ADAM20: variants seen among roughly 807,000 people sequenced by gnomAD.
The protein encoded by ADAM20 is disintegrin and metalloproteinase domain-containing protein 20.
For missense variants in ADAM20, 871 were observed against 883.2 expected (o/e 0.99, Z 0.18); for synonymous variants, 305 against 310.2 (o/e 0.98, Z 0.18).
At chr14:70,577,543 A>G in the ADAM20 span, among the ~76,000 whole-genome samples, 1 of 152,182 alleles carries the variant, frequency 6.6e-6, no homozygotes, top group Non-Finnish European at 1.5e-5. Context: ...TGAAACAACT[A>G]CTTTCAAGCC....
chr14:70,525,331 AGCCTCC>A (rs1566656564), intron 1 of ADAM20, among the ~76,000 whole-genome samples: 2 of 152,052 alleles, frequency 1.3e-5, no homozygotes, highest in Non-Finnish European at 2.9e-5. Context: ...CTCCCACCTT[AGCCTCC>A]AAGTAGAACT....
the ADAM20 span, among the ~76,000 whole-genome samples, chr14:70,545,405 C>G: frequency 6.6e-6 from 1 of 152,096 alleles, no homozygotes; most frequent in Non-Finnish European, 1.5e-5. Context: ...TGGCAGAAAG[C>G]AGAACTGGGC....
chr14:70,540,716 T>C, the ADAM20 span, among the ~76,000 whole-genome samples: 87 of 152,240 alleles, frequency 5.7e-4, no homozygotes, highest in Non-Finnish European at 9.4e-4. Flanking sequence ...TTAGGCAGTC[T>C]AGTCCACAGA....
chr14:70,546,554 G>GAATATGC, the ADAM20 span, among the ~76,000 whole-genome samples: 6 of 152,128 alleles, frequency 3.9e-5, no homozygotes, highest in Admixed American at 3.3e-4. Flanking sequence ...GAGACAATCA[G>GAATATGC]AATATGCATC....
chr14:70,536,512 T>C (rs1176073589), upstream of ADAM20, among the ~76,000 whole-genome samples: 1 of 126,334 alleles, frequency 7.9e-6, no homozygotes. Flanking sequence ...GCACAGTGTA[T>C]GTCCCTTAAT....
the ADAM20 span, among the ~76,000 whole-genome samples, chr14:70,578,611 TC>T: frequency 6.6e-6 from 1 of 152,188 alleles, no homozygotes; most frequent in South Asian, 2.1e-4. Context: ...AGCACTAATA[TC>T]CAGAATCTAT....
chr14:70,564,633 TAAAG>T, the ADAM20 span, among the ~76,000 whole-genome samples: 164 of 150,736 alleles, frequency 1.1e-3, no homozygotes, highest in African/African-American at 3.8e-3. Flanking sequence ...TTAATCATCC[TAAAG>T]AAGCTCAGTG....
intron 1 of ADAM20, among the ~76,000 whole-genome samples, chr14:70,530,202 T>C (rs1274539899): frequency 6.6e-6 from 1 of 152,202 alleles, no homozygotes; most frequent in Non-Finnish European, 1.5e-5. Context: ...AAATTTTTTG[T>C]TAAAAACTAA....
At chr14:70,541,971 C>T in the ADAM20 span, among the ~76,000 whole-genome samples, 1 of 151,830 alleles carries the variant, frequency 6.6e-6, no homozygotes, top group African/African-American at 2.4e-5. Flanking sequence ...CTGTGAAGCT[C>T]TAACAGGTGC....
chr14:70,537,867 A>C (rs1883868147), upstream of ADAM20, among the ~76,000 whole-genome samples: 1 of 152,126 alleles, frequency 6.6e-6, no homozygotes, highest in African/African-American at 2.4e-5. Flanking sequence ...GGACCTTGAC[A>C]ACTTTATAAC....
At chr14:70,532,484 ATCT>A (rs1883734169) in intron 1 of ADAM20, among the ~76,000 whole-genome samples, 1 of 152,156 alleles carries the variant, frequency 6.6e-6, no homozygotes, top group Non-Finnish European at 1.5e-5. Flanking sequence ...CAAACTAAAA[ATCT>A]TCTTAACAGC....
At chr14:70,553,188 T>C in the ADAM20 span, among the ~76,000 whole-genome samples, 17 of 58,208 alleles carry the variant, frequency 2.9e-4, no homozygotes, top group Non-Finnish European at 5.2e-4. Flanking sequence ...AGGGATAGCA[T>C]TGGGAGATAT....
the ADAM20 span, among the ~76,000 whole-genome samples, chr14:70,574,548 G>A: frequency 6.6e-6 from 1 of 152,076 alleles, no homozygotes; most frequent in Admixed American, 6.5e-5. Context: ...GCTGAGGCAG[G>A]AGAATGGTGT....
the ADAM20 span, among the ~76,000 whole-genome samples, chr14:70,562,055 C>T: frequency 1.3e-5 from 2 of 152,202 alleles, no homozygotes; most frequent in African/African-American, 2.4e-5. Context: ...CAGCTTGAAC[C>T]GAGCACATGG....
At chr14:70,526,739 C>T (rs936839710) in intron 1 of ADAM20, among the ~76,000 whole-genome samples, 5 of 152,138 alleles carry the variant, frequency 3.3e-5, no homozygotes, top group African/African-American at 4.8e-5. Context: ...TTCTGAAGGC[C>T]TTTCCTCTAA....
chr14:70,524,863 A>C lies in ADAM20; in HGVS notation c.-106T>G. 2 of 1,612,624 alleles carry C rather than the reference A, an allele frequency of 1.2e-6. No individual in the cohort carries two copies. Among genetic ancestry groups the C allele is most frequent in the Non-Finnish European group, 1.7e-6 (2 of 1,179,756 alleles). On this transcript the variant is annotated 5_prime_UTR_variant, in exon 2 of 2. Coordinates refer to ENST00000256389, the MANE Select transcript of ADAM20 (RefSeq NM_003814.5). The stretch of plus-strand genomic sequence containing the variant: ...CTGAGCTGTTCAGGGTGCATGGCTG[A>C]CCTTTAGGGATCTGGGGATCTGTGT...
the ADAM20 span, among the ~76,000 whole-genome samples, chr14:70,570,170 G>A: frequency 6.6e-6 from 1 of 152,032 alleles, no homozygotes; most frequent in African/African-American, 2.4e-5. Context: ...AGTTTATACT[G>A]CTAAATGCCT....
upstream of ADAM20, among the ~76,000 whole-genome samples, chr14:70,536,128 A>G (rs539453299): frequency 4.1e-4 from 62 of 152,246 alleles, no homozygotes; most frequent in Non-Finnish European, 6.8e-4. Context: ...ATACCAAAAT[A>G]CATAATATCC....
the ADAM20 span, among the ~76,000 whole-genome samples, chr14:70,554,279 GAAT>G: frequency 2.6e-5 from 4 of 152,138 alleles, no homozygotes; most frequent in African/African-American, 9.7e-5. Flanking sequence ...CTGTTGGTGG[GAAT>G]GTAAATTGGC....
Sources: gnomAD v4.1 joint callset for allele counts (sites outside exome capture counted in the v4.1 genomes callset) on GRCh38, gnomAD v4.1.1 for gene constraint, MANE v1.5 for transcripts, NCBI Gene and HGNC (gene_info 2026-07-23, HGNC 2026-07-21) for gene names.